Variants in DUSP8 observed in about 807,000 individuals in gnomAD.
DUSP8 encodes the protein dual specificity protein phosphatase 8.
Under a neutral mutation model 38.7 loss-of-function variants are expected in DUSP8, and 15 were observed. That is an observed-to-expected ratio of 0.39 (90% CI 0.26 to 0.60). The LOEUF is 0.60. DUSP8 is among the 20% of genes least tolerant of loss of function. The pLI is 0.56. For synonymous variants in DUSP8, 458 were observed against 433.9 expected (o/e 1.06, Z -0.69); for missense variants, 768 against 915.0 (o/e 0.84, Z 2.07).
intron 2 of DUSP8, among the ~76,000 whole-genome samples, chr11:1,564,667 G>A (rs1848774513): frequency 2.0e-5 from 3 of 152,254 alleles, no homozygotes; most frequent in South Asian, 4.1e-4. Context: ...TAAGCCAGCT[G>A]AGCCGCCAAC....
Position 1,557,725 on chromosome 11 carries a change from G to T in DUSP8, c.821+69C>A. 2 of 1,603,784 alleles carry T rather than the reference G, an allele frequency of 1.2e-6. No individual in the cohort carries two copies. The highest frequency in any genetic ancestry group is 1.7e-6 in the Non-Finnish European group (2 of 1,175,384). ...TCCTGGACGGTGGGGTCATTCTGGTGCAAGTGGGCAGCCGGGGGAAGGGAA... is the reference window on the plus strand; with the variant it reads ...TCCTGGACGGTGGGGTCATTCTGGTTCAAGTGGGCAGCCGGGGGAAGGGAA... On this transcript the variant is annotated intron_variant, in intron 6 of 6. Transcript: ENST00000397374. This position sits in a 1 kb window ranked among gnomAD's most constrained non-coding sequence, Gnocchi z 9.9.
In DUSP8 at chr11:1,557,979, AG is replaced by A; in HGVS notation, c.698-63del. On this transcript the variant is annotated intron_variant, in intron 5 of 6. Coordinates refer to ENST00000397374, the MANE Select transcript of DUSP8 (RefSeq NM_004420.3). The surrounding 1 kb of genome is among the most constrained non-coding windows in gnomAD (Gnocchi z 9.9). Reference sequence around the variant, plus strand: ...AGACTGCACAGCTTCTCCCTGGCCCAGGTAGGGGACCCCACCCGCCCAACTG... The same window carrying A: ...AGACTGCACAGCTTCTCCCTGGCCCAGTAGGGGACCCCACCCGCCCAACTG... The A allele has an allele frequency of 6.2e-7, 1 of 1,611,446 alleles. No homozygotes were observed. Among genetic ancestry groups the A allele is most frequent in the South Asian group, 1.1e-5 (1 of 91,000 alleles).
Position 1,556,910 on chromosome 11 carries a change from G to C in DUSP8, c.1486C>G (p.Leu496Val). ...CCGGCCGGCTGGCCAGGGCCGGGCA[G>C]CCCGGGCGCCGACAGGGCCGAGAGG... The part of the protein sequence containing the change: ...HGLSALSAPG[L>V]PGPGQPAGPG... Residue 496 changes from leucine to valine, a missense_variant, in exon 7 of 7, where the codon CTG becomes GTG. By Grantham distance (32) the Leu-to-Val change is conservative. Transcript: ENST00000397374. This position sits in a 1 kb window ranked among gnomAD's most constrained non-coding sequence, Gnocchi z 5.2. 1 of 1,083,406 alleles carries C rather than the reference G, an allele frequency of 9.2e-7. No homozygotes were observed. The highest frequency in any genetic ancestry group is 1.1e-6 in the Non-Finnish European group (1 of 894,870). The allele number at this position is 1,083,406 out of a possible 1,614,324, so 67.1% of individuals were successfully genotyped here.
At chr11:1,562,042 A>C (rs1848724910) in intron 3 of DUSP8, among the ~76,000 whole-genome samples, 1 of 152,194 alleles carries the variant, frequency 6.6e-6, no homozygotes, top group Non-Finnish European at 1.5e-5. Flanking sequence ...TCAGCACAGA[A>C]AGGCAGTTCT....
chr11:1,570,595 G>A (rs1848873207), intron 1 of DUSP8, among the ~76,000 whole-genome samples: 1 of 151,372 alleles, frequency 6.6e-6, no homozygotes, highest in Admixed American at 6.6e-5. Flanking sequence ...GCCTCCCCGA[G>A]GACAGAGGAT....
At chr11:1,561,439 G>A (rs1011501901) in intron 3 of DUSP8, among the ~76,000 whole-genome samples, 3 of 152,318 alleles carry the variant, frequency 2.0e-5, no homozygotes, top group Non-Finnish European at 2.9e-5. Flanking sequence ...GGCGGGGGCC[G>A]CCACCCCACC....
At position 1,557,416 on chromosome 11, in the gene DUSP8, G is replaced by A. The variant is rs1848652347; in HGVS notation, c.980C>T (p.Ala327Val). ...PEPPPSPAAG[A>V]PLPRLPPPTS... ...AGGTGGTGGCAGCCGTGGCAGCGGGGCCCCGGCGGCAGGACTGGGCGGAGG... is the reference window on the plus strand; with the variant it reads ...AGGTGGTGGCAGCCGTGGCAGCGGGACCCCGGCGGCAGGACTGGGCGGAGG... Residue 327 changes from alanine to valine, a missense_variant, in exon 7 of 7, where the codon GCC becomes GTC. This residue lies in a region of DUSP8 where 474 missense variants were observed against 430.8 expected (regional missense o/e 1.10). Coordinates refer to ENST00000397374, the MANE Select transcript of DUSP8 (RefSeq NM_004420.3). This position sits in a 1 kb window ranked among gnomAD's most constrained non-coding sequence, Gnocchi z 9.9. 6.4e-7 allele frequency: 1 copy of A among 1,564,800 alleles called. No homozygotes were observed. The highest frequency in any genetic ancestry group is 8.6e-7 in the Non-Finnish European group (1 of 1,167,752).
rs1018225626 is a variant in DUSP8, at chr11:1,572,002, G to C, written c.-210C>G. ...GGGCCCGGCGGGGGCCCGCGCAGCC[G>C]GGGCAGGGGCCGGGGGAGCGCGCGG... On this transcript the variant is annotated 5_prime_UTR_variant, in exon 1 of 7. Transcript: ENST00000397374. This position sits in a 1 kb window ranked among gnomAD's most constrained non-coding sequence, Gnocchi z 4.7. The C allele has an allele frequency of 2.7e-5, 4 of 145,574 alleles. No individual in the cohort carries two copies. Among genetic ancestry groups the C allele is most frequent in the Non-Finnish European group, 4.6e-5 (3 of 65,640 alleles). 9.0% of individuals were successfully genotyped at this position (145,574 alleles called of 1,614,324 possible).
chr11:1,559,674 G>A (rs1219919862), intron 3 of DUSP8, among the ~76,000 whole-genome samples: 1 of 152,202 alleles, frequency 6.6e-6, no homozygotes, highest in Non-Finnish European at 1.5e-5. Flanking sequence ...TTGCTGTCTG[G>A]TTATGGCTGT....
chr11:1,565,954 G>T lies in DUSP8; in HGVS notation c.-108-20C>A. 1.3e-6 allele frequency: 1 copy of T among 799,538 alleles called. No individual in the cohort carries two copies. Among genetic ancestry groups the T allele is most frequent in the Non-Finnish European group, 2.0e-6 (1 of 489,460 alleles). The allele number at this position is 799,538 out of a possible 1,614,324, so 49.5% of individuals were successfully genotyped here. ...CTGGACCTGCAGGGACAGGGGGATG[G>T]TCAGCAGTGCTGCGGGCCCCTGGGT... is the stretch of plus-strand genomic sequence containing the variant. On this transcript the variant is annotated intron_variant, in intron 1 of 6. Coordinates refer to ENST00000397374, the MANE Select transcript of DUSP8 (RefSeq NM_004420.3).
chr11:1,558,078 C>T lies in DUSP8; in HGVS notation c.697+34G>A, dbSNP rs2133431178. The T allele has an allele frequency of 1.9e-6, 3 of 1,611,736 alleles. No homozygotes were observed. Among genetic ancestry groups the T allele is most frequent in the Non-Finnish European group, 1.7e-6 (2 of 1,179,790 alleles). ...ACACACAGCTCTAGCCTTCCTCTAG[C>T]CAGGTCCCTGCCCTCCGCCCACCGC... On this transcript the variant is annotated intron_variant, in intron 5 of 6. Transcript: ENST00000397374. The surrounding 1 kb of genome is among the most constrained non-coding windows in gnomAD (Gnocchi z 6.3).
chr11:1,565,736 C>T lies in DUSP8; in HGVS notation c.91G>A (p.Asp31Asn). ...TTGTACTCCACGAAGGAGCGGCTGT[C>T]GATGACCAGCGGCCCCCCAGGCCCG... is the stretch of plus-strand genomic sequence containing the variant. Reference protein sequence around the residue: ...RGGPGGPLVIDSRSFVEYNSW... With the variant: ...RGGPGGPLVINSRSFVEYNSW... The change falls in exon 2 of 7, where the codon GAC becomes AAC. Residue 31 changes from aspartate (D) to asparagine (N), a missense_variant. By Grantham distance (23) the Asp-to-Asn change is conservative. Transcript: ENST00000397374. 2 of 1,611,814 alleles carry T rather than the reference C, an allele frequency of 1.2e-6. No individual in the cohort carries two copies. The highest frequency in any genetic ancestry group is 1.7e-6 in the Non-Finnish European group (2 of 1,179,668).
At position 1,557,342 on chromosome 11, in the gene DUSP8, G is replaced by T. The variant is rs1009210849; in HGVS notation, c.1054C>A (p.Leu352Met). 1.3e-6 allele frequency: 2 copies of T among 1,542,368 alleles called. No homozygotes were observed. The highest frequency in any genetic ancestry group is 8.6e-7 in the Non-Finnish European group (1 of 1,157,124). The change falls in exon 7 of 7, where the codon CTG (leucine) becomes ATG (methionine). Residue 352 changes from leucine (L) to methionine (M), a missense_variant. By Grantham distance (15) the Leu-to-Met change is conservative. Around this residue, in one of 3 missense-constraint regions of DUSP8, gnomAD observed 474 missense variants for 430.8 expected, o/e 1.10. Coordinates refer to ENST00000397374, the MANE Select transcript of DUSP8 (RefSeq NM_004420.3). The surrounding 1 kb of genome is among the most constrained non-coding windows in gnomAD (Gnocchi z 9.9). Reference protein sequence around the residue: ...TGNAAAREGGLSAGGEPPAPP... With the variant: ...TGNAAAREGGMSAGGEPPAPP... Reference sequence around the variant, plus strand: ...GCGGGGGGCTCCCCGCCCGCGCTCAGGCCGCCCTCCCTGGCAGCCGCATTC... The same window carrying T: ...GCGGGGGGCTCCCCGCCCGCGCTCATGCCGCCCTCCCTGGCAGCCGCATTC...
intron 3 of DUSP8, among the ~76,000 whole-genome samples, chr11:1,561,289 A>T (rs1363189366): frequency 6.6e-6 from 1 of 152,150 alleles, no homozygotes; most frequent in Non-Finnish European, 1.5e-5. Flanking sequence ...CTCACAGTGA[A>T]ATCCCAGACT....
At position 1,557,671 on chromosome 11, in the gene DUSP8, G is replaced by A. The variant is rs1848657670; in HGVS notation, c.822-97C>T. The stretch of plus-strand genomic sequence containing the variant: ...CCCACGAGCTCATGTGCGCCAGGCT[G>A]GTCTCAGGCCCTCCTCCCTTGCCAC... On this transcript the variant is annotated intron_variant, in intron 6 of 6. Coordinates refer to ENST00000397374, the MANE Select transcript of DUSP8 (RefSeq NM_004420.3). This position sits in a 1 kb window ranked among gnomAD's most constrained non-coding sequence, Gnocchi z 9.9. 6.4e-7 allele frequency: 1 copy of A among 1,556,960 alleles called. No individual in the cohort carries two copies.
At chr11:1,569,151 C>T (rs551800603) in intron 1 of DUSP8, among the ~76,000 whole-genome samples, 1 of 152,248 alleles carries the variant, frequency 6.6e-6, no homozygotes, top group African/African-American at 2.4e-5. Flanking sequence ...TATTCCAGTG[C>T]CTAGGGGTTG....
chr11:1,556,722 C>A lies in DUSP8; in HGVS notation c.1674G>T (p.Arg558=). The stretch of plus-strand genomic sequence containing the variant: ...GGGGCTCAGCCCTCGCTGCCTCCCG[C>A]CGCCGCAGGTCGCTGCCGCCGCCTG... The part of the protein sequence containing the change: ...PGPGGGSDLR[R]REAARAEPRD... The change falls in exon 7 of 7, where the codon CGG becomes CGT. Residue 558 remains arginine (R), a synonymous_variant. Transcript: ENST00000397374. The surrounding 1 kb of genome is among the most constrained non-coding windows in gnomAD (Gnocchi z 5.2). The A allele has an allele frequency of 8.1e-7, 1 of 1,235,450 alleles. No individual in the cohort carries two copies. Among genetic ancestry groups the A allele is most frequent in the Non-Finnish European group, 1.0e-6 (1 of 989,576 alleles). 76.5% of individuals were successfully genotyped at this position (1,235,450 alleles called of 1,614,324 possible).
intron 3 of DUSP8, among the ~76,000 whole-genome samples, chr11:1,561,599 GT>G (rs1481931208): frequency 6.6e-6 from 1 of 152,242 alleles, no homozygotes; most frequent in Non-Finnish European, 1.5e-5. Context: ...GCAGGGGGAG[GT>G]GGGCTTCACA....
Position 1,557,525 on chromosome 11 carries a change from C to T in DUSP8, c.871G>A (p.Gly291Ser). Reference sequence around the variant, plus strand: ...CTGCGCTCGTACTCCAGCAGCTGGCCCAGGAAGTTGAAGTTGGGCGAGATG... The same window carrying T: ...CTGCGCTCGTACTCCAGCAGCTGGCTCAGGAAGTTGAAGTTGGGCGAGATG... ...PSISPNFNFL[G>S]QLLEYERSLK... Residue 291 changes from glycine to serine, a missense_variant, in exon 7 of 7, where the codon GGC becomes AGC. Gly to Ser is a moderately conservative substitution (Grantham distance 56). This residue lies in a region of DUSP8 where 252 missense variants were observed against 410.4 expected (regional missense o/e 0.61). Coordinates refer to ENST00000397374, the MANE Select transcript of DUSP8 (RefSeq NM_004420.3). The surrounding 1 kb of genome is among the most constrained non-coding windows in gnomAD (Gnocchi z 9.9). 1 of 1,591,446 alleles carries T rather than the reference C, an allele frequency of 6.3e-7. No individual in the cohort carries two copies. The highest frequency in any genetic ancestry group is 8.5e-7 in the Non-Finnish European group (1 of 1,177,012).
Sources: gnomAD v4.1 joint callset for allele counts (sites outside exome capture counted in the v4.1 genomes callset) on GRCh38, gnomAD v4.1.1 for gene constraint, gnomAD v4.1.1 regional missense constraint, Gnocchi (gnomAD v3.1) non-coding constraint, MANE v1.5 for transcripts, NCBI Gene and HGNC (gene_info 2026-07-23, HGNC 2026-07-21) for gene names.